The following MDM2 variants were observed in gnomAD, a reference collection of about 807,000 sequenced individuals.
MDM2 encodes MDM2 proto-oncogene.
Under a neutral mutation model 64.3 loss-of-function variants are expected in MDM2, and 11 were observed. That is an observed-to-expected ratio of 0.17 (90% CI 0.11 to 0.28). The LOEUF (loss-of-function observed/expected upper bound fraction) is 0.28. Ranked by LOEUF, MDM2 falls within the 10% of genes least tolerant of loss-of-function variation. The pLI is 1.00. For missense variants in MDM2, 388 were observed against 577.1 expected (o/e 0.67, Z 3.36); for synonymous variants, 194 against 192.9 (o/e 1.01, Z -0.05).
intron 8 of MDM2, among the ~76,000 whole-genome samples, chr12:68,835,044 C>T (rs961428811): frequency 7.9e-5 from 12 of 151,912 alleles, no homozygotes; most frequent in Admixed American, 2.0e-4. Context: ...ATCTATGACT[C>T]GAGACATTTT....
At chr12:68,812,198 A>T (rs1312175019) in intron 2 of MDM2, among the ~76,000 whole-genome samples, 3 of 38,684 alleles carry the variant, frequency 7.8e-5, no homozygotes, top group Admixed American at 3.2e-4. Context: ...AAGCACAGTT[A>T]AAAAAAAAAA....
intron 8 of MDM2, among the ~76,000 whole-genome samples, chr12:68,829,949 G>A (rs1432570559): frequency 6.6e-6 from 1 of 152,270 alleles, no homozygotes; most frequent in East Asian, 1.9e-4. Context: ...GGAATATTTT[G>A]TTTTGTATGT....
chr12:68,813,494 C>G, intron 2 of MDM2, 60 bp from the exon 3 acceptor site: 2 of 1,139,004 alleles, frequency 1.8e-6, no homozygotes, highest in Non-Finnish European at 2.6e-6. Context: ...ATGTTTGCTG[C>G]AGGGCCTATA....
At chr12:68,829,181 A>G (rs879655242) in intron 8 of MDM2, among the ~76,000 whole-genome samples, 14 of 152,222 alleles carry the variant, frequency 9.2e-5, no homozygotes, top group South Asian at 2.1e-4. Flanking sequence ...GTAATTATCA[A>G]TGTCACTGTA....
intron 5 of MDM2, among the ~76,000 whole-genome samples, chr12:68,823,202 A>G (rs1882011984): frequency 6.6e-6 from 1 of 152,216 alleles, no homozygotes; most frequent in African/African-American, 2.4e-5. Flanking sequence ...GCATAATTTC[A>G]AAATGTTAAT....
At chr12:68,818,198 A>G (rs544314610) in intron 4 of MDM2, among the ~76,000 whole-genome samples, 73 of 152,324 alleles carry the variant, frequency 4.8e-4, no homozygotes, top group African/African-American at 1.7e-3. Context: ...ACCTGAGACA[A>G]TTAACTAGCT....
At chr12:68,836,410 T>C (rs1055392068) in intron 9 of MDM2, among the ~76,000 whole-genome samples, 4 of 152,202 alleles carry the variant, frequency 2.6e-5, no homozygotes, top group African/African-American at 9.6e-5. Flanking sequence ...TCCATATTAG[T>C]TATTTATGAA....
chr12:68,833,318 A>ATTATATAAATATATATAT lies in MDM2; in HGVS notation c.685-2498_685-2497insTATATTTATATAAATATA, dbSNP rs1421505837. ...ATATTTATATAAATATAAAAATATAATTATATAAATATAAAAATATATATT... is the reference window on the plus strand; with the variant it reads ...ATATTTATATAAATATAAAAATATAATTATATAAATATATATATTTATATAAATATAAAAATATATATT... On this transcript the variant is annotated intron_variant, in intron 8 of 10. Transcript: ENST00000258149. Among the ~76,000 whole-genome samples, 391 of 95,970 alleles carry ATTATATAAATATATATAT rather than the reference A, an allele frequency of 4.1e-3. 27 individuals are homozygous for ATTATATAAATATATATAT. The highest frequency in any genetic ancestry group is 0.014 in the African/African-American group (368 of 26,220). The allele number at this position is 95,970 out of a possible 152,430, so 63.0% of individuals were successfully genotyped here.
chr12:68,849,713 C>T (rs916057155), downstream of MDM2: 1 of 149,078 alleles, frequency 6.7e-6, no homozygotes. Context: ...CTCCTGACCT[C>T]GTGATCTGCC....
chr12:68,820,301 A>AT (rs765244028), intron 4 of MDM2, 24 bp from the exon 5 acceptor site: 116,982 of 1,000,720 alleles, frequency 0.12, 1 homozygote, highest in Non-Finnish European at 0.13. Context: ...ATCTCTTGTT[A>AT]TTTTTTTTTT....
chr12:68,809,093 A>G lies in MDM2; in HGVS notation c.15-115A>G, dbSNP rs1033827167. 2.0e-5 allele frequency: 31 copies of G among 1,533,202 alleles called. No homozygotes were observed. The African/African-American group carries it at 4.1e-4, about 20-fold the overall frequency. The allele number at this position is 1,533,202 out of a possible 1,614,324, so 95.0% of individuals were successfully genotyped here. On this transcript the variant is annotated intron_variant, in intron 1 of 10. Transcript: ENST00000258149. ...TTTTTCTCTGCTGATCCAGGTAAGCACCGACTTGCTTGTAGCTTTAGTTTT... is the reference window on the plus strand; with the variant it reads ...TTTTTCTCTGCTGATCCAGGTAAGCGCCGACTTGCTTGTAGCTTTAGTTTT...
intron 5 of MDM2, among the ~76,000 whole-genome samples, chr12:68,823,724 A>G (rs906762226): frequency 1.3e-5 from 2 of 152,202 alleles, no homozygotes; most frequent in Non-Finnish European, 2.9e-5. Context: ...TCTGGATGTA[A>G]TATTTTCTGT....
intron 3 of MDM2, chr12:68,814,505 C>A (rs559898453): frequency 5.2e-5 from 14 of 271,090 alleles, no homozygotes; most frequent in South Asian, 1.4e-4. Context: ...CATTTATAAT[C>A]GAAGGAAAAG....
At position 68,816,903 on chromosome 12, in the gene MDM2, G is replaced by A. The variant is rs764034976; in HGVS notation, c.266G>A (p.Gly89Glu). 6.2e-7 allele frequency: 1 copy of A among 1,613,130 alleles called. No individual in the cohort carries two copies. The highest frequency in any genetic ancestry group is 1.3e-5 in the African/African-American group (1 of 74,980). ...HIVYCSNDLLGDLFGVPSFSV... is the reference protein window; with the variant it reads ...HIVYCSNDLLEDLFGVPSFSV... ...GTATATTGTTCAAATGATCTTCTAG[G>A]AGATTTGTTTGGCGTGCCAAGCTTC... Residue 89 changes from glycine (G) to glutamate (E), a missense_variant, in exon 4 of 11, where the codon GGA becomes GAA. Coordinates refer to ENST00000258149, the MANE Select transcript of MDM2 (RefSeq NM_002392.6).
intron 2 of MDM2, among the ~76,000 whole-genome samples, chr12:68,810,164 T>C (rs1880737475): frequency 6.6e-6 from 1 of 151,930 alleles, no homozygotes. Flanking sequence ...ATACAAAAAT[T>C]AGTCGGGCAT....
intron 8 of MDM2, among the ~76,000 whole-genome samples, chr12:68,830,363 C>T (rs762983354): frequency 2.0e-5 from 3 of 152,190 alleles, no homozygotes; most frequent in Non-Finnish European, 4.4e-5. Flanking sequence ...TACCTGCCCT[C>T]TAGAGTTACT....
intron 5 of MDM2, among the ~76,000 whole-genome samples, chr12:68,823,117 C>A (rs1367645316): frequency 6.6e-6 from 1 of 152,108 alleles, no homozygotes. Context: ...GACAATATAA[C>A]CTATTATGTA....
In MDM2 at chr12:68,820,491, T is replaced by C; in HGVS notation, c.358+117T>C. 3.9e-6 allele frequency: 3 copies of C among 770,304 alleles called. No individual in the cohort carries two copies. The South Asian group carries it at 5.0e-5, about 13-fold the overall frequency. The allele number at this position is 770,304 out of a possible 1,614,324, so 47.7% of individuals were successfully genotyped here. On this transcript the variant is annotated intron_variant, in intron 5 of 10. Transcript: ENST00000258149. ...CTTTAAAAGTTGCTTTAATTAAATA[T>C]TGTAATAAAAGTATGATAAATTTAT...
downstream of MDM2, chr12:68,846,713 G>A (rs189288622): frequency 6.6e-6 from 1 of 152,172 alleles, no homozygotes; most frequent in Admixed American, 6.5e-5. Flanking sequence ...AGAACACTAT[G>A]AAATGGGTGC....
Sources: gnomAD v4.1 joint callset for allele counts (sites outside exome capture counted in the v4.1 genomes callset) on GRCh38, gnomAD v4.1.1 for gene constraint, MANE v1.5 for transcripts, NCBI Gene and HGNC (gene_info 2026-07-23, HGNC 2026-07-21) for gene names.